The following TIAM2 variants were observed in gnomAD, a reference collection of about 807,000 sequenced individuals.
The protein encoded by TIAM2 is rho guanine nucleotide exchange factor TIAM2.
A neutral mutation model predicts 152.9 loss-of-function variants in TIAM2; 80 were observed. That is an observed-to-expected ratio of 0.52 (90% CI 0.44 to 0.63). The LOEUF is 0.63. Ranked by LOEUF, TIAM2 falls within the 30% of genes least tolerant of loss-of-function variation. TIAM2 has a pLI of 0.00. For missense variants in TIAM2, 1,965 were observed against 2,120.1 expected (o/e 0.93, Z 1.44); for synonymous variants, 804 against 838.0 (o/e 0.96, Z 0.70).
At chr6:155,034,378 G>A (rs1256475011) in intron 1 of TIAM2, among the ~76,000 whole-genome samples, 2 of 152,030 alleles carry the variant, frequency 1.3e-5, no homozygotes, top group Non-Finnish European at 2.9e-5. Context: ...AGCCTCCCAA[G>A]TAGCTGGGAT....
intron 15 of TIAM2, among the ~76,000 whole-genome samples, chr6:155,238,381 TC>T (rs1236765019): frequency 6.6e-6 from 1 of 152,248 alleles, no homozygotes; most frequent in Non-Finnish European, 1.5e-5. Flanking sequence ...TTCTGAGCCC[TC>T]CAAACTGTTC....
At chr6:155,242,563 T>C (rs372234780) in intron 16 of TIAM2, among the ~76,000 whole-genome samples, 69 of 152,334 alleles carry the variant, frequency 4.5e-4, no homozygotes, top group African/African-American at 1.5e-3. Context: ...GTTCTGGGGA[T>C]GCTTTGGGCT....
intron 1 of TIAM2, among the ~76,000 whole-genome samples, chr6:155,039,253 G>A (rs1386940449): frequency 6.6e-6 from 1 of 151,836 alleles, no homozygotes; most frequent in Non-Finnish European, 1.5e-5. Flanking sequence ...GAGCCACTAT[G>A]CCTGAACCTG....
At chr6:155,132,982 A>C (rs1345770425) in intron 4 of TIAM2, among the ~76,000 whole-genome samples, 1 of 152,108 alleles carries the variant, frequency 6.6e-6, no homozygotes, top group Non-Finnish European at 1.5e-5. Context: ...TGCGTCTCCT[A>C]CCCACGGGAA....
intron 2 of TIAM2, among the ~76,000 whole-genome samples, chr6:155,094,828 C>T (rs1268423484): frequency 6.6e-6 from 1 of 151,592 alleles, no homozygotes; most frequent in Admixed American, 6.6e-5. Flanking sequence ...AGTGATCCGC[C>T]CGCGTCAGCC....
intron 7 of TIAM2, among the ~76,000 whole-genome samples, chr6:155,153,380 G>A (rs1780020368): frequency 6.6e-6 from 1 of 152,002 alleles, no homozygotes; most frequent in Non-Finnish European, 1.5e-5. Context: ...GCTGAGGCTG[G>A]AGGTTCATTT....
At chr6:155,068,965 TG>T (rs1405223541) in intron 1 of TIAM2, among the ~76,000 whole-genome samples, 5 of 152,098 alleles carry the variant, frequency 3.3e-5, no homozygotes, top group African/African-American at 1.2e-4. Context: ...TCGCCCAGGC[TG>T]GGGTGCAGTG....
chr6:155,122,977 CAG>C (rs917398503), intron 2 of TIAM2, among the ~76,000 whole-genome samples: 6 of 151,670 alleles, frequency 4.0e-5, no homozygotes, highest in South Asian at 4.2e-4. Context: ...GTAAAGGAGT[CAG>C]GGGGCCAGAG....
chr6:155,170,843 C>G (rs1780566955), intron 9 of TIAM2, among the ~76,000 whole-genome samples: 1 of 152,164 alleles, frequency 6.6e-6, no homozygotes, highest in African/African-American at 2.4e-5. Flanking sequence ...TGTAGGGATA[C>G]TGAAGAAATT....
intron 23 of TIAM2, among the ~76,000 whole-genome samples, chr6:155,252,450 CAG>C (rs1458985744): frequency 1.3e-5 from 2 of 152,188 alleles, no homozygotes; most frequent in Admixed American, 6.5e-5. Flanking sequence ...GCCTGTGCGA[CAG>C]AGTGAGACCC....
chr6:155,059,321 T>TGTGTGA (rs1447070905), intron 1 of TIAM2, among the ~76,000 whole-genome samples: 1 of 117,376 alleles, frequency 8.5e-6, no homozygotes, highest in Non-Finnish European at 1.9e-5. Context: ...TGTGTGTGTG[T>TGTGTGA]GTGTGCGCGT....
chr6:155,053,519 T>A (rs1003506708), intron 1 of TIAM2, among the ~76,000 whole-genome samples: 5 of 147,236 alleles, frequency 3.4e-5, no homozygotes, highest in Non-Finnish European at 7.4e-5. Flanking sequence ...TCGTCCAGGC[T>A]GGAGTGCAGT....
At chr6:155,139,036 C>T (rs1173576352) in intron 5 of TIAM2, among the ~76,000 whole-genome samples, 1 of 152,242 alleles carries the variant, frequency 6.6e-6, no homozygotes. Context: ...GCATTCTGCA[C>T]AGCCCCCTGG....
At chr6:155,155,833 C>T (rs187894287) in intron 7 of TIAM2, among the ~76,000 whole-genome samples, 4 of 152,308 alleles carry the variant, frequency 2.6e-5, no homozygotes, top group East Asian at 1.9e-4. Context: ...AGCGTTTGTT[C>T]GGTGCATACT....
chr6:155,253,828 A>ATG, intron 24 of TIAM2, 145 bp from the exon 25 acceptor site: 1 of 608,122 alleles, frequency 1.6e-6, no homozygotes, highest in Non-Finnish European at 2.9e-6. Flanking sequence ...TGAAAATCAT[A>ATG]CATAGAACAA....
intron 1 of TIAM2, among the ~76,000 whole-genome samples, chr6:155,072,358 G>A (rs1439981852): frequency 6.6e-6 from 1 of 152,180 alleles, no homozygotes; most frequent in Non-Finnish European, 1.5e-5. Flanking sequence ...AGGGCTGAAC[G>A]AACTCAGTGC....
intron 19 of TIAM2, 63 bp from the exon 20 acceptor site, chr6:155,247,937 G>T (rs777652665): frequency 7.8e-6 from 12 of 1,535,416 alleles, no homozygotes; most frequent in African/African-American, 1.4e-5. Flanking sequence ...TGTTAAAAGA[G>T]AAATGAAGAA....
At position 155,047,779 on chromosome 6, in the gene TIAM2, G is replaced by A. The variant is rs115018736; in HGVS notation, c.-208-42510G>A. Reference sequence around the variant, plus strand: ...CAGAAGACTTGAGTGAGGACCCCCAGGTGCTCCCACTACTTTTTCTCTCTT... The same window carrying A: ...CAGAAGACTTGAGTGAGGACCCCCAAGTGCTCCCACTACTTTTTCTCTCTT... On this transcript the variant is annotated intron_variant, in intron 1 of 26. Transcript: ENST00000682666. Among the ~76,000 whole-genome samples the A allele has an allele frequency of 2.8e-3, 409 of 147,858 alleles. 3 individuals are homozygous for A. The highest frequency in any genetic ancestry group is 9.4e-3 in the African/African-American group (376 of 39,828).
chr6:155,089,235 G>C (rs1343508522), intron 1 of TIAM2, among the ~76,000 whole-genome samples: 1 of 151,484 alleles, frequency 6.6e-6, no homozygotes, highest in African/African-American at 2.4e-5. Context: ...GTGGGGGTGT[G>C]GGGGGATGGA....
Sources: allele counts gnomAD v4.1 joint callset (sites outside exome capture counted in the v4.1 genomes callset), GRCh38; gene constraint gnomAD v4.1.1; transcripts MANE v1.5; gene names NCBI Gene and HGNC (gene_info 2026-07-23, HGNC 2026-07-21).